Variants in CPVL observed in about 807,000 individuals in gnomAD.
CPVL encodes probable serine carboxypeptidase CPVL.
In CPVL, 51 loss-of-function variants were observed where a neutral mutation model predicts 63.7. That is an observed-to-expected ratio of 0.80 (90% CI 0.64 to 1.01). The LOEUF is 1.01. CPVL is among the 50% of genes least tolerant of loss of function. The probability of loss-of-function intolerance (pLI) is 0.00; values close to 1 mark genes in which losing one functional copy is unlikely to be tolerated. For synonymous variants in CPVL, 195 were observed against 206.0 expected (o/e 0.95, Z 0.46); for missense variants, 530 against 573.1 (o/e 0.92, Z 0.77).
At chr7:29,128,718 A>AAG in intron 1 of CPVL, among the ~76,000 whole-genome samples, 1 of 150,740 alleles carries the variant, frequency 6.6e-6, no homozygotes, top group East Asian at 1.9e-4. Context: ...CTGTCTCAAA[A>AAG]AAAAAAAAAA....
At position 29,155,136 on chromosome 7, in the gene CPVL, G is replaced by A. The variant is rs569772545; in HGVS notation, c.-11+26154C>T. Among the ~76,000 whole-genome samples the A allele has an allele frequency of 7.9e-5, 12 of 152,100 alleles. No homozygotes were observed. The South Asian group carries it at 1.9e-3, about 24-fold the overall frequency. On this transcript the variant is annotated intron_variant, in intron 5 of 16. Coordinates refer to the CPVL transcript ENST00000409850. The stretch of plus-strand genomic sequence containing the variant: ...TCCCACCAGGTCCCTCCCACAACAC[G>A]TGGGAATTCAAGATGAGATTTGGGT...
chr7:29,194,656 G>T, intron 1 of CPVL: 1 of 331,670 alleles, frequency 3.0e-6, no homozygotes, highest in Non-Finnish European at 5.4e-6. Flanking sequence ...CGCCCGTCCC[G>T]GCTGCCCCTC....
chr7:29,109,978 C>T (rs780399521), intron 3 of CPVL, among the ~76,000 whole-genome samples: 16 of 152,240 alleles, frequency 1.1e-4, no homozygotes, highest in Non-Finnish European at 2.2e-4. Flanking sequence ...GGTGCCAAAG[C>T]ACCACCTACA....
At chr7:29,119,412 A>T (rs1164165167) in intron 2 of CPVL, among the ~76,000 whole-genome samples, 2 of 149,974 alleles carry the variant, frequency 1.3e-5, no homozygotes, top group African/African-American at 4.9e-5. Flanking sequence ...GCTTGAACGC[A>T]GGAGGTGCAG....
At chr7:29,017,099 C>T (rs1786487008) in intron 12 of CPVL, among the ~76,000 whole-genome samples, 1 of 152,138 alleles carries the variant, frequency 6.6e-6, no homozygotes, top group South Asian at 2.1e-4. Context: ...CTGATGTTCC[C>T]ATTCTGGTTT....
intron 11 of CPVL, among the ~76,000 whole-genome samples, chr7:29,058,513 G>A (rs996131361): frequency 4.0e-5 from 6 of 151,852 alleles, no homozygotes; most frequent in Non-Finnish European, 7.4e-5. Flanking sequence ...ATAGATGTGA[G>A]TTTCTGACCT....
At chr7:29,135,335 A>ATT (rs34928416) in intron 1 of CPVL, among the ~76,000 whole-genome samples, 2 of 146,144 alleles carry the variant, frequency 1.4e-5, no homozygotes, top group Non-Finnish European at 1.5e-5. Flanking sequence ...ATTGTATTAG[A>ATT]TTTTTTTTTT....
At chr7:28,998,081 C>G (rs1478570337) in intron 12 of CPVL, among the ~76,000 whole-genome samples, 1 of 152,176 alleles carries the variant, frequency 6.6e-6, no homozygotes, top group Non-Finnish European at 1.5e-5. Flanking sequence ...GTGACAAGAA[C>G]CCCTTCATAG....
intron 11 of CPVL, among the ~76,000 whole-genome samples, chr7:29,035,582 C>G (rs1788448150): frequency 6.6e-6 from 1 of 152,056 alleles, no homozygotes; most frequent in African/African-American, 2.4e-5. Flanking sequence ...TGGGGAGTGG[C>G]CTTGCTAAAC....
At position 29,027,879 on chromosome 7, in the gene CPVL, A is replaced by G. The variant is rs574296437; in HGVS notation, c.1320+2698T>C. Among the ~76,000 whole-genome samples the G allele has an allele frequency of 2.8e-3, 428 of 152,314 alleles. 1 individual carries two copies. Among genetic ancestry groups the G allele is most frequent in the African/African-American group, 9.7e-3 (405 of 41,580 alleles). ...TCATGCTCATGGATTGGAAAAATTA[A>G]TATTGTTAAAATGATCATACTGAAT... On this transcript the variant is annotated intron_variant, in intron 12 of 12. Coordinates refer to ENST00000265394, the MANE Select transcript of CPVL (RefSeq NM_031311.5).
upstream of CPVL, among the ~76,000 whole-genome samples, chr7:29,147,509 T>C (rs1792923358): frequency 6.6e-6 from 1 of 152,238 alleles, no homozygotes; most frequent in African/African-American, 2.4e-5. Context: ...AACAAACTAA[T>C]GTCACTGAAT....
intron 12 of CPVL, among the ~76,000 whole-genome samples, chr7:29,002,215 C>A (rs552986757): frequency 7.9e-5 from 12 of 152,156 alleles, no homozygotes; most frequent in African/African-American, 2.4e-4. Flanking sequence ...ACAACAACAA[C>A]AAAAAATTGG....
intron 1 of CPVL, among the ~76,000 whole-genome samples, chr7:29,135,700 T>C (rs1012498528): frequency 2.0e-5 from 3 of 152,008 alleles, no homozygotes; most frequent in African/African-American, 7.3e-5. Flanking sequence ...TTTATTTATT[T>C]ATTATTTTTA....
chr7:29,152,017 G>A (rs75607487), intron 5 of CPVL, among the ~76,000 whole-genome samples: 3 of 152,162 alleles, frequency 2.0e-5, no homozygotes, highest in African/African-American at 2.4e-5. Flanking sequence ...TATTTTCTTC[G>A]AATGGAAATA....
At chr7:29,155,164 G>A (rs1214974386) in intron 5 of CPVL, among the ~76,000 whole-genome samples, 1 of 151,346 alleles carries the variant, frequency 6.6e-6, no homozygotes, top group African/African-American at 2.4e-5. Context: ...ATTTGGGTGG[G>A]GACACAGCCA....
intron 12 of CPVL, among the ~76,000 whole-genome samples, chr7:29,006,069 G>A (rs369756705): frequency 1.3e-5 from 2 of 152,146 alleles, no homozygotes; most frequent in East Asian, 3.9e-4. Context: ...TTTACTTCCT[G>A]CAGACAGCAA....
chr7:29,003,183 CACACAG>C (rs747440404), intron 12 of CPVL, among the ~76,000 whole-genome samples: 2,031 of 60,512 alleles, frequency 0.034, 29 homozygotes, highest in African/African-American at 0.17. Flanking sequence ...CACACACACA[CACACAG>C]AGAGAATAGC....
At chr7:29,101,175 G>T (rs952717112) in intron 3 of CPVL, among the ~76,000 whole-genome samples, 7 of 152,176 alleles carry the variant, frequency 4.6e-5, no homozygotes, top group African/African-American at 1.7e-4. Context: ...ACTTAAGACC[G>T]AATGAAGAAA....
intron 9 of CPVL, 127 bp downstream of exon 9, chr7:29,071,646 C>T: frequency 9.8e-7 from 1 of 1,015,356 alleles, no homozygotes; most frequent in Non-Finnish European, 1.4e-6. Context: ...TCCCGATCTC[C>T]AATGGAATAA....
Sources: gnomAD v4.1 joint callset for allele counts (sites outside exome capture counted in the v4.1 genomes callset) on GRCh38, gnomAD v4.1.1 for gene constraint, MANE v1.5 for transcripts, NCBI Gene and HGNC (gene_info 2026-07-23, HGNC 2026-07-21) for gene names.